Variants in SP1 observed in about 807,000 individuals in gnomAD.
The protein encoded by SP1 is Sp1 transcription factor.
SP1 carries 6 observed loss-of-function variants against 66.3 expected under a neutral mutation model. That is an observed-to-expected ratio of 0.09 (90% CI 0.05 to 0.18). The LOEUF is 0.18. Among genes scored for constraint, SP1 ranks in the 10% least tolerant of loss-of-function variants. The pLI is 1.00. For synonymous variants in SP1, 417 were observed against 360.8 expected (o/e 1.16, Z -1.77); for missense variants, 848 against 964.5 (o/e 0.88, Z 1.60).
chr12:53,396,014 A>G (rs1938480146), intron 3 of SP1, among the ~76,000 whole-genome samples: 2 of 151,972 alleles, frequency 1.3e-5, no homozygotes, highest in Admixed American at 1.3e-4. Context: ...CAGCTACTCC[A>G]GAGGCTGAGG....
intron 3 of SP1, among the ~76,000 whole-genome samples, chr12:53,404,914 C>A (rs1938697966): frequency 6.6e-6 from 1 of 152,154 alleles, no homozygotes; most frequent in Non-Finnish European, 1.5e-5. Context: ...CGGCTCACTG[C>A]AACCTCTGCC....
intron 1 of SP1, among the ~76,000 whole-genome samples, chr12:53,381,093 CA>C (rs1299804477): frequency 2.0e-5 from 3 of 151,320 alleles, no homozygotes; most frequent in Non-Finnish European, 4.4e-5. Context: ...GCTGGAATTA[CA>C]GGCATGCGCC....
chr12:53,396,387 G>T (rs188922089), intron 3 of SP1, among the ~76,000 whole-genome samples: 129 of 151,868 alleles, frequency 8.5e-4, no homozygotes, highest in Non-Finnish European at 1.6e-3. Flanking sequence ...GGCCAACGTG[G>T]TAAAACCCCG....
intron 3 of SP1, among the ~76,000 whole-genome samples, chr12:53,385,092 C>A (rs778276205): frequency 1.4e-5 from 2 of 146,908 alleles, no homozygotes; most frequent in Non-Finnish European, 3.0e-5. Flanking sequence ...GTCAGGAGTT[C>A]AAGACCAGCG....
chr12:53,399,620 C>T (rs1156396860), intron 3 of SP1, among the ~76,000 whole-genome samples: 20 of 148,148 alleles, frequency 1.4e-4, no homozygotes, highest in Admixed American at 2.0e-4. Flanking sequence ...CGTGAGCCAC[C>T]GCGCCCTGCC....
chr12:53,387,276 T>C (rs964710957), intron 3 of SP1, among the ~76,000 whole-genome samples: 3 of 152,108 alleles, frequency 2.0e-5, no homozygotes, highest in Admixed American at 6.6e-5. Context: ...GGCATATATA[T>C]GTGGGTTTAT....
chr12:53,410,859 C>A, intron 5 of SP1, 68 bp from the exon 6 acceptor site: 1 of 1,116,794 alleles, frequency 9.0e-7, no homozygotes, highest in Non-Finnish European at 1.3e-6. Context: ...GTAGAGTAAG[C>A]ACTGAATTGG....
At position 53,415,485 on chromosome 12, in the gene SP1, T is replaced by G. The variant is rs1172646536; in HGVS notation, c.*4245T>G. ...TCTGACTTCCCCAAACCCAGAAAGA[T>G]TTTCTCCACAGTGTTCATTTGAAAG... On this transcript the variant is annotated 3_prime_UTR_variant, in exon 6 of 6. Transcript: ENST00000327443. The G allele has an allele frequency of 6.6e-6, 1 of 152,358 alleles. No homozygotes were observed. The highest frequency in any genetic ancestry group is 2.4e-5 in the African/African-American group (1 of 41,384). 9.4% of individuals were successfully genotyped at this position (152,358 alleles called of 1,614,324 possible).
At chr12:53,397,713 C>G (rs1400990881) in intron 3 of SP1, among the ~76,000 whole-genome samples, 1 of 151,662 alleles carries the variant, frequency 6.6e-6, no homozygotes, top group East Asian at 1.9e-4. Flanking sequence ...GCCACCGTGC[C>G]CAGATAATTT....
intron 3 of SP1, among the ~76,000 whole-genome samples, chr12:53,388,366 AAT>A (rs1297360859): frequency 9.2e-5 from 14 of 152,152 alleles, no homozygotes; most frequent in African/African-American, 3.4e-4. Flanking sequence ...TCTGCCATTT[AAT>A]ATGTCATAGA....
At position 53,411,693 on chromosome 12, in the gene SP1, C is replaced by T. The variant is rs1226298655; in HGVS notation, c.*453C>T. On this transcript the variant is annotated 3_prime_UTR_variant, in exon 6 of 6. Transcript: ENST00000327443. ...ATATATATAAAGATATATAGAGATG[C>T]ATTCACAGGGGTTGGCTGGGAGGAG... is the stretch of plus-strand genomic sequence containing the variant. The T allele has an allele frequency of 2.0e-5, 3 of 147,942 alleles. No homozygotes were observed. The highest frequency in any genetic ancestry group is 3.9e-4 in the East Asian group (2 of 5,090). 9.2% of individuals were successfully genotyped at this position (147,942 alleles called of 1,614,324 possible).
rs1938999848 is a variant in SP1, at chr12:53,416,382, A to C, written c.*5142A>C. ...TTTTTTTTTTTGGCCTTTTGTACAA[A>C]GATTAGTTTCAATGTAGTCTGTAGC... On this transcript the variant is annotated 3_prime_UTR_variant, in exon 6 of 6. Transcript: ENST00000327443. The C allele has an allele frequency of 1.3e-5, 2 of 148,648 alleles. No homozygotes were observed. 9.2% of individuals were successfully genotyped at this position (148,648 alleles called of 1,614,324 possible).
At chr12:53,403,015 G>T (rs1938644470) in intron 3 of SP1, among the ~76,000 whole-genome samples, 1 of 151,718 alleles carries the variant, frequency 6.6e-6, no homozygotes, top group Non-Finnish European at 1.5e-5. Flanking sequence ...GGTGGCGGGA[G>T]CCTCTACCTG....
chr12:53,387,116 ATTTTTTGTAT>A (rs1399011438), intron 3 of SP1, among the ~76,000 whole-genome samples: 2 of 151,332 alleles, frequency 1.3e-5, no homozygotes, highest in East Asian at 3.9e-4. Flanking sequence ...ATGCCCATTA[ATTTTTTGTAT>A]TTTTTTAGTA....
intron 3 of SP1, among the ~76,000 whole-genome samples, chr12:53,393,215 G>T (rs186392822): frequency 6.6e-6 from 1 of 152,196 alleles, no homozygotes; most frequent in Non-Finnish European, 1.5e-5. Flanking sequence ...TTCGGAGGTC[G>T]AGGCGAGAGG....
At chr12:53,381,343 A>G (rs976110923) in intron 1 of SP1, 1 of 194,730 alleles carries the variant, frequency 5.1e-6, no homozygotes, top group South Asian at 1.1e-4. Flanking sequence ...TTTTTCCCTT[A>G]GGATACTTTT....
At chr12:53,387,084 G>A (rs1407645925) in intron 3 of SP1, among the ~76,000 whole-genome samples, 3 of 151,820 alleles carry the variant, frequency 2.0e-5, no homozygotes, top group Non-Finnish European at 2.9e-5. Context: ...CCGAGTAGCT[G>A]GGATTACAGG....
intron 3 of SP1, among the ~76,000 whole-genome samples, chr12:53,384,281 T>C (rs1565808133): frequency 6.7e-6 from 1 of 150,278 alleles, no homozygotes; most frequent in Admixed American, 6.7e-5. Context: ...CTTTTCTTTT[T>C]TTTCTTTTTT....
intron 3 of SP1, among the ~76,000 whole-genome samples, chr12:53,405,245 C>T (rs1161572910): frequency 6.6e-6 from 1 of 152,164 alleles, no homozygotes; most frequent in Non-Finnish European, 1.5e-5. Context: ...TTCCAAAGTG[C>T]TGAGGTTACA....
Sources: allele counts gnomAD v4.1 joint callset (sites outside exome capture counted in the v4.1 genomes callset), GRCh38; gene constraint gnomAD v4.1.1; transcripts MANE v1.5; gene names NCBI Gene and HGNC (gene_info 2026-07-23, HGNC 2026-07-21).